The following ZNF644 variants were observed in gnomAD, a reference collection of about 807,000 sequenced individuals.
ZNF644 encodes zinc finger motif enhancer binding protein 2.
ZNF644 carries 20 observed loss-of-function variants against 108.0 expected under a neutral mutation model. The ratio of observed to expected loss-of-function variants is 0.19; its 90% CI spans 0.13 to 0.27. ZNF644 has a LOEUF of 0.27. ZNF644 is among the 10% of genes least tolerant of loss of function. The pLI is 1.00. For missense variants in ZNF644, 1,338 were observed against 1,548.9 expected (o/e 0.86, Z 2.29); for synonymous variants, 542 against 539.1 (o/e 1.01, Z -0.08).
chr1:90,921,377 G>T (rs1200178458), intron 4 of ZNF644, among the ~76,000 whole-genome samples: 1 of 151,650 alleles, frequency 6.6e-6, no homozygotes, highest in Non-Finnish European at 1.5e-5. Flanking sequence ...TTTGTAATAG[G>T]ATTTTATTTG....
At chr1:90,928,067 A>G (rs577242338) in intron 4 of ZNF644, among the ~76,000 whole-genome samples, 17 of 151,042 alleles carry the variant, frequency 1.1e-4, no homozygotes, top group Non-Finnish European at 2.1e-4. Flanking sequence ...GCTGGTCTCA[A>G]ACTCCTGACC....
chr1:90,936,308 G>C (rs1242296470), intron 4 of ZNF644, among the ~76,000 whole-genome samples: 1 of 152,028 alleles, frequency 6.6e-6, no homozygotes, highest in East Asian at 1.9e-4. Flanking sequence ...TTCCATCTCT[G>C]AAGTATACTA....
At chr1:90,919,118 G>C (rs2100770126) in intron 4 of ZNF644, among the ~76,000 whole-genome samples, 1 of 152,186 alleles carries the variant, frequency 6.6e-6, no homozygotes, top group South Asian at 2.1e-4. Context: ...GGTAGCAATA[G>C]ATAGCACATA....
chr1:90,973,740 C>A (rs1655730557), intron 2 of ZNF644, among the ~76,000 whole-genome samples: 2 of 152,080 alleles, frequency 1.3e-5, no homozygotes, highest in African/African-American at 4.8e-5. Flanking sequence ...CTATAGAGGG[C>A]ACTGCAGGAG....
chr1:91,016,817 T>A (rs1412749382), intron 1 of ZNF644, among the ~76,000 whole-genome samples: 2 of 152,196 alleles, frequency 1.3e-5, no homozygotes, highest in African/African-American at 4.8e-5. Context: ...TATACTTACG[T>A]TTCTAGAGTT....
At chr1:91,000,241 T>C (rs1295924209) in intron 1 of ZNF644, among the ~76,000 whole-genome samples, 3 of 152,168 alleles carry the variant, frequency 2.0e-5, no homozygotes, top group East Asian at 1.9e-4. Context: ...ATACATTCTT[T>C]TCAACACCAC....
chr1:90,982,441 C>T (rs1257645376), intron 1 of ZNF644, 71 bp from the exon 2 acceptor site: 3 of 980,824 alleles, frequency 3.1e-6, no homozygotes, highest in Non-Finnish European at 4.8e-6. Flanking sequence ...AGCTACAATA[C>T]ACTATTATTT....
At chr1:91,009,799 C>A (rs1284410600) in intron 1 of ZNF644, among the ~76,000 whole-genome samples, 2 of 152,132 alleles carry the variant, frequency 1.3e-5, no homozygotes, top group Admixed American at 1.3e-4. Flanking sequence ...AAGAAAAAGG[C>A]ATACCTCAAT....
intron 1 of ZNF644, among the ~76,000 whole-genome samples, chr1:90,988,166 G>GA (rs925301386): frequency 1.3e-5 from 2 of 151,034 alleles, no homozygotes. Context: ...AAATTTTCAA[G>GA]AAAAAAAATG....
At chr1:91,005,585 T>C (rs964005513) in intron 1 of ZNF644, among the ~76,000 whole-genome samples, 1 of 152,116 alleles carries the variant, frequency 6.6e-6, no homozygotes, top group Non-Finnish European at 1.5e-5. Flanking sequence ...GAGTACGTTC[T>C]CTGACCACAA....
rs1228368534 is a variant in ZNF644 at position 90,941,145 on chromosome 1, T to C, written c.209A>G (p.Asn70Ser). ...CAGTTCTTCAGGCAGAGTCAACGTA[T>C]TATTTTTCTGAAATGATGTTTGACA... ...KDCQTSFQKN[N>S]TLTLPEELSK... The change falls in exon 3 of 6, where the codon AAT becomes AGT. Residue 70 changes from asparagine to serine, a missense_variant. Asn to Ser is a conservative substitution (Grantham distance 46). Around this residue, in one of 6 missense-constraint regions of ZNF644, gnomAD observed 464 missense variants for 457.9 expected, o/e 1.01. Transcript: ENST00000337393. The C allele has an allele frequency of 6.2e-7, 1 of 1,613,534 alleles. No homozygotes were observed. Among genetic ancestry groups the C allele is most frequent in the Non-Finnish European group, 8.5e-7 (1 of 1,179,832 alleles).
chr1:91,002,917 G>A (rs1465429557), intron 1 of ZNF644, among the ~76,000 whole-genome samples: 1 of 151,920 alleles, frequency 6.6e-6, no homozygotes, highest in Non-Finnish European at 1.5e-5. Flanking sequence ...GCAGCCAAAA[G>A]ACACATGAAA....
chr1:90,961,319 C>A (rs1654321941), intron 2 of ZNF644, among the ~76,000 whole-genome samples: 1 of 152,126 alleles, frequency 6.6e-6, no homozygotes, highest in African/African-American at 2.4e-5. Context: ...ATCTAATTTA[C>A]TTAATTTATT....
In ZNF644 at chr1:90,941,027, G is replaced by A; in HGVS notation, c.327C>T (p.Ile109=). Residue 109 remains isoleucine, a synonymous_variant, in exon 3 of 6, where the codon ATC becomes ATT. Coordinates refer to ENST00000337393, the MANE Select transcript of ZNF644 (RefSeq NM_201269.3). ...GAPTVSSENF[I]LPKGAAVNGP... is the part of the protein sequence containing the mutation. ...CATTAACAGCAGCTCCTTTAGGCAA[G>A]ATAAAGTTTTCACTAGAAACAGTAG... 1.2e-6 allele frequency: 2 copies of A among 1,614,096 alleles called. No individual in the cohort carries two copies. The highest frequency in any genetic ancestry group is 1.7e-6 in the Non-Finnish European group (2 of 1,179,972).
intron 1 of ZNF644, among the ~76,000 whole-genome samples, chr1:90,992,359 G>C (rs1234362215): frequency 7.0e-6 from 1 of 141,996 alleles, no homozygotes; most frequent in African/African-American, 2.6e-5. Context: ...CTCGAAGTTA[G>C]AATAATAAAT....
At chr1:90,950,577 G>C (rs1570413053) in intron 2 of ZNF644, among the ~76,000 whole-genome samples, 1 of 151,334 alleles carries the variant, frequency 6.6e-6, no homozygotes, top group African/African-American at 2.4e-5. Context: ...CAACAAAATG[G>C]CTATAAAATA....
intron 1 of ZNF644, among the ~76,000 whole-genome samples, chr1:91,002,753 C>CAT (rs1557653377): frequency 2.0e-5 from 3 of 151,872 alleles, no homozygotes; most frequent in African/African-American, 7.3e-5. Flanking sequence ...ACCTACAGAA[C>CAT]GGGAGAAAAT....
At chr1:90,924,974 C>T (rs1570340105) in intron 4 of ZNF644, among the ~76,000 whole-genome samples, 1 of 152,122 alleles carries the variant, frequency 6.6e-6, no homozygotes, top group Non-Finnish European at 1.5e-5. Flanking sequence ...TTATTATTTC[C>T]GTAAAGTCAA....
intron 2 of ZNF644, among the ~76,000 whole-genome samples, chr1:90,971,692 C>G (rs1252084605): frequency 6.6e-6 from 1 of 152,060 alleles, no homozygotes; most frequent in African/African-American, 2.4e-5. Flanking sequence ...GCTGGGATTA[C>G]AGGTGTGAGC....
Sources: allele counts gnomAD v4.1 joint callset (sites outside exome capture counted in the v4.1 genomes callset), GRCh38; gene constraint gnomAD v4.1.1; regional missense constraint gnomAD v4.1.1; transcripts MANE v1.5; gene names NCBI Gene and HGNC (gene_info 2026-07-23, HGNC 2026-07-21).